The following PTPRK variants were observed in gnomAD, a reference collection of about 807,000 sequenced individuals.
The protein encoded by PTPRK is protein tyrosine phosphatase receptor type K, also known as receptor-type tyrosine-protein phosphatase kappa.
Under a neutral mutation model 178.0 loss-of-function variants are expected in PTPRK, and 75 were observed. The observed-to-expected ratio is 0.42, with a 90% CI of 0.35 to 0.51. The LOEUF (loss-of-function observed/expected upper bound fraction) is 0.51. Ranked by LOEUF, PTPRK falls within the 20% of genes least tolerant of loss-of-function variation. The pLI is 0.02. For synonymous variants in PTPRK, 637 were observed against 620.6 expected (o/e 1.03, Z -0.39); for missense variants, 1,441 against 1,797.8 (o/e 0.80, Z 3.59).
At chr6:128,159,655 C>A (rs1272827778) in intron 7 of PTPRK, among the ~76,000 whole-genome samples, 1 of 151,490 alleles carries the variant, frequency 6.6e-6, no homozygotes, top group Admixed American at 6.6e-5. Context: ...TCTAAAGTAC[C>A]AATTTGCAAC....
chr6:128,322,344 G>C (rs934130684), intron 2 of PTPRK, 34 bp from the exon 3 acceptor site: 8 of 1,510,064 alleles, frequency 5.3e-6, no homozygotes, highest in Non-Finnish European at 7.3e-6. Flanking sequence ...ATGCTAAAGA[G>C]ATATATAAGC....
intron 13 of PTPRK, among the ~76,000 whole-genome samples, chr6:128,046,558 T>C (rs930958151): frequency 1.3e-5 from 2 of 152,202 alleles, no homozygotes; most frequent in Non-Finnish European, 2.9e-5. Context: ...AAAAAGTATC[T>C]GAAAATTTAT....
chr6:128,075,491 T>C (rs1034307018), intron 11 of PTPRK, among the ~76,000 whole-genome samples: 2 of 151,998 alleles, frequency 1.3e-5, no homozygotes, highest in African/African-American at 4.8e-5. Flanking sequence ...GCCATGCTCA[T>C]TTCTACCTCT....
At chr6:128,173,355 A>G (rs145851615) in intron 7 of PTPRK, among the ~76,000 whole-genome samples, 1,760 of 152,170 alleles carry the variant, frequency 0.012, 21 homozygotes, top group Middle Eastern at 0.034. Flanking sequence ...TCATGCAATA[A>G]GATACTAACA....
intron 1 of PTPRK, among the ~76,000 whole-genome samples, chr6:128,508,475 A>G (rs995310943): frequency 6.6e-6 from 1 of 152,202 alleles, no homozygotes; most frequent in Non-Finnish European, 1.5e-5. Context: ...CTTTCTATAT[A>G]TGATATATAT....
intron 13 of PTPRK, among the ~76,000 whole-genome samples, chr6:128,030,530 A>G (rs1488518670): frequency 1.3e-5 from 2 of 152,166 alleles, no homozygotes; most frequent in African/African-American, 4.8e-5. Flanking sequence ...GTCCTGTAAG[A>G]TATGGATATT....
chr6:127,977,268 T>A (rs929661047), intron 25 of PTPRK, among the ~76,000 whole-genome samples: 1 of 152,206 alleles, frequency 6.6e-6, no homozygotes, highest in Admixed American at 6.5e-5. Context: ...GGTGGAAGAC[T>A]TCAATGCTTC....
chr6:128,302,735 G>A (rs1294094794), intron 3 of PTPRK, among the ~76,000 whole-genome samples: 1 of 151,866 alleles, frequency 6.6e-6, no homozygotes, highest in Non-Finnish European at 1.5e-5. Context: ...CATAAATGTT[G>A]GTATTCATGA....
rs370302909 is a variant in PTPRK at position 128,459,627 on chromosome 6, A to C, written c.100+60632T>G. ...CATAGTCTGTTGCTATCATTCTTTAAGTTCCTCCAAGTAAGAAACCTTCAT... is the reference window on the plus strand; with the variant it reads ...CATAGTCTGTTGCTATCATTCTTTACGTTCCTCCAAGTAAGAAACCTTCAT... On this transcript the variant is annotated intron_variant, in intron 1 of 29. Transcript: ENST00000368226. Among the ~76,000 whole-genome samples the C allele has an allele frequency of 3.3e-4, 51 of 152,300 alleles. No individual in the cohort carries two copies. The East Asian group carries it at 8.1e-3, about 24-fold the overall frequency.
At chr6:128,474,158 G>A (rs1031732563) in intron 1 of PTPRK, among the ~76,000 whole-genome samples, 3 of 151,004 alleles carry the variant, frequency 2.0e-5, no homozygotes, top group Non-Finnish European at 3.0e-5. Flanking sequence ...AATTCAAAGG[G>A]AGAGCAGGAT....
At chr6:128,405,759 CT>C (rs34449841) in intron 1 of PTPRK, among the ~76,000 whole-genome samples, 2 of 150,984 alleles carry the variant, frequency 1.3e-5, no homozygotes, top group African/African-American at 2.4e-5. Flanking sequence ...GATCATTTTT[CT>C]TTTTTTTTAT....
intron 1 of PTPRK, among the ~76,000 whole-genome samples, chr6:128,476,603 C>A (rs1303490249): frequency 1.3e-5 from 2 of 151,930 alleles, no homozygotes; most frequent in African/African-American, 4.8e-5. Context: ...TTTAATAAAG[C>A]AGGCTTAGTT....
chr6:128,222,650 G>T (rs1202354367), intron 5 of PTPRK, among the ~76,000 whole-genome samples: 1 of 152,152 alleles, frequency 6.6e-6, no homozygotes, highest in African/African-American at 2.4e-5. Context: ...TACATTGGCA[G>T]TGAGACCTCA....
At chr6:128,385,398 G>A (rs1234453927) in intron 2 of PTPRK, among the ~76,000 whole-genome samples, 3 of 152,048 alleles carry the variant, frequency 2.0e-5, no homozygotes, top group Admixed American at 6.5e-5. Context: ...ACCATTATAA[G>A]GCTTGCATGA....
intron 2 of PTPRK, among the ~76,000 whole-genome samples, chr6:128,325,960 A>C (rs1829495274): frequency 6.6e-6 from 1 of 152,224 alleles, no homozygotes; most frequent in Non-Finnish European, 1.5e-5. Flanking sequence ...AAAATGTGGC[A>C]CATAAACACC....
chr6:128,245,748 C>T (rs2128286196), intron 3 of PTPRK, among the ~76,000 whole-genome samples: 1 of 152,134 alleles, frequency 6.6e-6, no homozygotes, highest in African/African-American at 2.4e-5. Flanking sequence ...GAACATAATT[C>T]CCATGTCATT....
intron 1 of PTPRK, among the ~76,000 whole-genome samples, chr6:128,420,623 A>C (rs1409694573): frequency 1.3e-5 from 2 of 152,204 alleles, no homozygotes; most frequent in Non-Finnish European, 2.9e-5. Context: ...CAGAAAGTAC[A>C]AGCAAAGTGA....
intron 21 of PTPRK, among the ~76,000 whole-genome samples, chr6:127,988,816 C>A (rs1484540249): frequency 1.3e-5 from 2 of 151,330 alleles, no homozygotes; most frequent in African/African-American, 2.4e-5. Flanking sequence ...TCATTTGTTT[C>A]TTTTTTATAT....
intron 7 of PTPRK, among the ~76,000 whole-genome samples, chr6:128,105,952 C>CCTGG (rs1334660384): frequency 2.0e-5 from 3 of 152,148 alleles, no homozygotes; most frequent in Non-Finnish European, 4.4e-5. Context: ...AAGAGTATTT[C>CCTGG]CTGGCTTCTA....
Sources: allele counts gnomAD v4.1 joint callset (sites outside exome capture counted in the v4.1 genomes callset), GRCh38; gene constraint gnomAD v4.1.1; transcripts MANE v1.5; gene names NCBI Gene and HGNC (gene_info 2026-07-23, HGNC 2026-07-21).